The following TOM1L2 variants were observed in gnomAD, a reference collection of about 807,000 sequenced individuals.
TOM1L2 encodes TOM1-like protein 2.
Under a neutral mutation model 67.9 loss-of-function variants are expected in TOM1L2, and 31 were observed. That is an observed-to-expected ratio of 0.46 (90% CI 0.34 to 0.62). The LOEUF is 0.62. Among genes scored for constraint, TOM1L2 ranks in the 20% least tolerant of loss-of-function variants. The pLI is 0.01. For missense variants in TOM1L2, 606 were observed against 663.5 expected, an observed-to-expected ratio of 0.91 and a Z score of 0.95; for synonymous variants, 256 against 254.0, an observed-to-expected ratio of 1.01 and a Z score of -0.07.
intron 12 of TOM1L2, among the ~76,000 whole-genome samples, chr17:17,854,540 T>G (rs549288383): frequency 6.6e-6 from 1 of 152,164 alleles, no homozygotes; most frequent in East Asian, 1.9e-4. Context: ...ATTAATTTAT[T>G]TAGAGACAGA....
chr17:17,865,237 ACCT>A (rs1018333914), intron 10 of TOM1L2, among the ~76,000 whole-genome samples: 4 of 152,148 alleles, frequency 2.6e-5, no homozygotes, highest in African/African-American at 9.7e-5. Flanking sequence ...CAGTGCTGCT[ACCT>A]CCTGTTTCCA....
rs536434387 is a variant in TOM1L2 at position 17,869,363 on chromosome 17, G to A, written c.888C>T (p.Asn296=). 292 of 1,611,462 alleles carry A rather than the reference G, an allele frequency of 1.8e-4. 1 individual carries two copies. The South Asian group carries it at 3.1e-3, about 17-fold the overall frequency. The change falls in exon 8 of 15, where the codon AAC becomes AAT. Residue 296 remains asparagine, a synonymous_variant. Coordinates refer to ENST00000379504, the MANE Select transcript of TOM1L2 (RefSeq NM_001082968.2). Reference sequence around the variant, plus strand: ...ACCTCTCGTATCGAAGGAAGACGTTGTTGAGGTCATCGTTCACATGCAGCA... The same window carrying A: ...ACCTCTCGTATCGAAGGAAGACGTTATTGAGGTCATCGTTCACATGCAGCA... ...EELLHVNDDL[N]NVFLRYERFE...
At chr17:17,947,870 C>T (rs1195598958) in intron 1 of TOM1L2, among the ~76,000 whole-genome samples, 1 of 151,964 alleles carries the variant, frequency 6.6e-6, no homozygotes, top group Admixed American at 6.6e-5. Context: ...TGAGGGGTCA[C>T]ACTGTTAAAA....
chr17:17,868,380 C>A (rs957244719), intron 8 of TOM1L2, among the ~76,000 whole-genome samples: 1 of 152,214 alleles, frequency 6.6e-6, no homozygotes, highest in Non-Finnish European at 1.5e-5. Context: ...CAAAGGGTAA[C>A]GCAAATGCAA....
intron 2 of TOM1L2, among the ~76,000 whole-genome samples, chr17:17,899,272 C>T (rs2038730220): frequency 6.6e-6 from 1 of 152,182 alleles, no homozygotes; most frequent in South Asian, 2.1e-4. Flanking sequence ...TCCTTGTGAG[C>T]CCTGGATGCC....
At chr17:17,909,894 T>C (rs1325905429) in intron 1 of TOM1L2, among the ~76,000 whole-genome samples, 1 of 152,148 alleles carries the variant, frequency 6.6e-6, no homozygotes. Context: ...CTGGGCATAG[T>C]GGCTTGTGCC....
intron 4 of TOM1L2, 98 bp downstream of exon 4, chr17:17,893,561 ATT>A (rs925790769): frequency 7.5e-6 from 8 of 1,067,160 alleles, no homozygotes; most frequent in South Asian, 1.8e-5. Flanking sequence ...AGAAGTCTCC[ATT>A]TTTTTTTTCC....
intron 1 of TOM1L2, among the ~76,000 whole-genome samples, chr17:17,953,503 G>A (rs1205003700): frequency 2.0e-5 from 3 of 152,160 alleles, no homozygotes; most frequent in South Asian, 2.1e-4. Context: ...TGCAAAAGGC[G>A]TCACCAACTG....
chr17:17,881,449 A>G (rs1290646399), intron 6 of TOM1L2, among the ~76,000 whole-genome samples: 1 of 152,030 alleles, frequency 6.6e-6, no homozygotes, highest in African/African-American at 2.4e-5. Flanking sequence ...CTTCCCAAGC[A>G]CCTCCCACAC....
chr17:17,895,713 C>T (rs999633341), intron 3 of TOM1L2, among the ~76,000 whole-genome samples: 5 of 152,228 alleles, frequency 3.3e-5, no homozygotes, highest in Non-Finnish European at 7.3e-5. Flanking sequence ...ATCCCTCCCT[C>T]ACAGCTCTCC....
At chr17:17,919,254 C>A (rs2039753322) in intron 1 of TOM1L2, among the ~76,000 whole-genome samples, 2 of 152,204 alleles carry the variant, frequency 1.3e-5, no homozygotes, top group South Asian at 2.1e-4. Flanking sequence ...GCCTCTAATA[C>A]AGAGGACCTT....
intron 1 of TOM1L2, among the ~76,000 whole-genome samples, chr17:17,926,830 T>C (rs990437288): frequency 1.3e-5 from 2 of 151,912 alleles, no homozygotes; most frequent in Non-Finnish European, 1.5e-5. Context: ...TGCACTCCTG[T>C]CTGGGCGACA....
intron 10 of TOM1L2, among the ~76,000 whole-genome samples, chr17:17,864,572 C>G (rs2036743645): frequency 7.1e-6 from 1 of 139,916 alleles, no homozygotes; most frequent in African/African-American, 2.7e-5. Flanking sequence ...AGTGCAGTGG[C>G]ACAATCTCGG....
At chr17:17,908,541 T>G (rs1277950063) in intron 1 of TOM1L2, among the ~76,000 whole-genome samples, 1 of 152,132 alleles carries the variant, frequency 6.6e-6, no homozygotes, top group Non-Finnish European at 1.5e-5. Context: ...ATATATATGA[T>G]AAGGGGTTAA....
chr17:17,906,129 T>C (rs2039086947), intron 2 of TOM1L2, among the ~76,000 whole-genome samples: 1 of 104,168 alleles, frequency 9.6e-6, no homozygotes, highest in South Asian at 4.6e-4. Context: ...GTCTTCTCTT[T>C]TCATTTTTTT....
At chr17:17,902,359 A>G (rs2038894787) in intron 2 of TOM1L2, among the ~76,000 whole-genome samples, 1 of 152,178 alleles carries the variant, frequency 6.6e-6, no homozygotes, top group Non-Finnish European at 1.5e-5. Flanking sequence ...ACCAATCTGC[A>G]CCCACCAGGA....
chr17:17,918,567 G>GC (rs1156953227), intron 1 of TOM1L2, among the ~76,000 whole-genome samples: 2 of 152,166 alleles, frequency 1.3e-5, no homozygotes, highest in Non-Finnish European at 2.9e-5. Context: ...AACAGGATCT[G>GC]CAGGTCTTTG....
At chr17:17,865,297 G>A (rs778006575) in intron 10 of TOM1L2, among the ~76,000 whole-genome samples, 1 of 152,204 alleles carries the variant, frequency 6.6e-6, no homozygotes, top group African/African-American at 2.4e-5. Context: ...ACTTTTCTAA[G>A]CCCTGATGTG....
rs997372577 is a variant in TOM1L2, at chr17:17,885,789, G to C, written c.367-1021C>G. ...AATACAAAAAAATTAGCTGGGCGTG[G>C]TGGCGGGTGCCTGTAGTCCCAGCTA... On this transcript the variant is annotated intron_variant, in intron 4 of 14. Transcript: ENST00000379504. Among the ~76,000 whole-genome samples, 5 of 151,880 alleles carry C rather than the reference G, an allele frequency of 3.3e-5. No individual in the cohort carries two copies. The South Asian group carries it at 8.3e-4, about 25-fold the overall frequency.
Sources: gnomAD v4.1 joint callset for allele counts (sites outside exome capture counted in the v4.1 genomes callset) on GRCh38, gnomAD v4.1.1 for gene constraint, MANE v1.5 for transcripts, NCBI Gene and HGNC (gene_info 2026-07-23, HGNC 2026-07-21) for gene names.